NCOA1: variants seen among roughly 807,000 people sequenced by gnomAD.
NCOA1 encodes the protein Hin-2 protein.
Under a neutral mutation model 150.9 loss-of-function variants are expected in NCOA1, and 35 were observed. The ratio of observed to expected loss-of-function variants is 0.23; its 90% CI spans 0.18 to 0.31. The LOEUF (loss-of-function observed/expected upper bound fraction) is 0.31. NCOA1 is among the 10% of genes least tolerant of loss of function. The pLI, the probability that NCOA1 is intolerant of heterozygous loss-of-function variation, is 1.00. For missense variants in NCOA1, 1,491 were observed against 1,749.3 expected, an observed-to-expected ratio of 0.85 and a Z score of 2.63; for synonymous variants, 590 against 630.0, an observed-to-expected ratio of 0.94 and a Z score of 0.95.
intron 13 of NCOA1, among the ~76,000 whole-genome samples, chr2:24,708,748 G>A (rs187026218): frequency 9.2e-5 from 14 of 152,228 alleles, no homozygotes; most frequent in African/African-American, 2.2e-4. Flanking sequence ...TAGGTCCTTC[G>A]GTTTCTTGAA....
chr2:24,535,969 G>C lies in NCOA1; in HGVS notation c.-395-28326G>C, dbSNP rs574149055. On this transcript the variant is annotated intron_variant, in intron 1 of 22. Coordinates refer to ENST00000348332, the MANE Select transcript of NCOA1 (RefSeq NM_003743.5). Reference sequence around the variant, plus strand: ...TCGAGGAGTATCTTTATGGTGTTCTGTGTACTTCCGAATTTGAATGTTGGC... The same window carrying C: ...TCGAGGAGTATCTTTATGGTGTTCTCTGTACTTCCGAATTTGAATGTTGGC... 2.1e-3 allele frequency among the ~76,000 whole-genome samples: 316 copies of C among 152,098 alleles called. 1 individual carries two copies. The highest frequency in any genetic ancestry group is 6.8e-3 in the Middle Eastern group (2 of 294).
chr2:24,564,305 A>G lies in NCOA1; in HGVS notation c.-385A>G, dbSNP rs551183520. On this transcript the variant is annotated 5_prime_UTR_variant, in exon 2 of 23. It adds an upstream start codon to the 5' untranslated region. Transcript: ENST00000348332. The stretch of plus-strand genomic sequence containing the variant: ...TCTCTCCTGCTTTAGATCTATCCAT[A>G]CTAATGGAAATGTAACTGGAACTGA... 1.4e-4 allele frequency: 22 copies of G among 152,274 alleles called. No homozygotes were observed. In the East Asian group the frequency reaches 3.9e-3, roughly 27 times the overall value. The allele number at this position is 152,274 out of a possible 1,614,324, so 9.4% of individuals were successfully genotyped here.
chr2:24,543,884 G>A (rs1665498312), intron 1 of NCOA1, among the ~76,000 whole-genome samples: 1 of 152,094 alleles, frequency 6.6e-6, no homozygotes, highest in Admixed American at 6.6e-5. Context: ...GATATGATCT[G>A]GTTTGTTTTT....
chr2:24,681,710 CTT>C (rs1291429104), intron 7 of NCOA1, among the ~76,000 whole-genome samples: 8 of 141,900 alleles, frequency 5.6e-5, no homozygotes, highest in Non-Finnish European at 7.7e-5. Context: ...GTACCCTGGC[CTT>C]TTTTTTTTTT....
At chr2:24,628,551 G>A (rs1331324625) in intron 3 of NCOA1, among the ~76,000 whole-genome samples, 1 of 152,124 alleles carries the variant, frequency 6.6e-6, no homozygotes, top group Non-Finnish European at 1.5e-5. Flanking sequence ...TTACAGTTGA[G>A]TGAGAGAGAT....
chr2:24,690,059 A>G (rs1046518390), intron 8 of NCOA1, among the ~76,000 whole-genome samples: 4 of 152,230 alleles, frequency 2.6e-5, no homozygotes, highest in South Asian at 2.1e-4. Context: ...GATTCTTTCT[A>G]TTAAAATCAC....
At chr2:24,626,833 A>G (rs1669434744) in intron 3 of NCOA1, among the ~76,000 whole-genome samples, 1 of 152,148 alleles carries the variant, frequency 6.6e-6, no homozygotes, top group South Asian at 2.1e-4. Flanking sequence ...CTTCTTAATC[A>G]CTATTCTAAA....
intron 1 of NCOA1, among the ~76,000 whole-genome samples, chr2:24,561,216 A>G (rs1238636579): frequency 6.6e-6 from 1 of 152,200 alleles, no homozygotes; most frequent in African/African-American, 2.4e-5. Flanking sequence ...AACTAATAAA[A>G]GTGGTAACCT....
chr2:24,629,788 G>A (rs1156977304), intron 3 of NCOA1, among the ~76,000 whole-genome samples: 1 of 139,690 alleles, frequency 7.2e-6, no homozygotes, highest in African/African-American at 2.7e-5. Flanking sequence ...TTTATCATGT[G>A]CCAGACACTG....
At chr2:24,696,931 T>C (rs1672930628) in intron 10 of NCOA1, among the ~76,000 whole-genome samples, 1 of 151,970 alleles carries the variant, frequency 6.6e-6, no homozygotes, top group Non-Finnish European at 1.5e-5. Flanking sequence ...TGTAAGATTC[T>C]GTAAAACGTA....
intron 17 of NCOA1, among the ~76,000 whole-genome samples, chr2:24,730,832 C>T (rs919469910): frequency 8.3e-5 from 11 of 132,522 alleles, no homozygotes; most frequent in Non-Finnish European, 1.2e-4. Context: ...TCGAGACCAG[C>T]GTGGCCAACA....
intron 8 of NCOA1, 103 bp downstream of exon 8, chr2:24,683,231 T>C (rs930213632): frequency 9.1e-6 from 6 of 656,374 alleles, no homozygotes; most frequent in Non-Finnish European, 1.3e-5. Context: ...CACAGTATTA[T>C]ATATGTTATA....
At chr2:24,759,316 AG>A (rs1306205984) in intron 21 of NCOA1, among the ~76,000 whole-genome samples, 1 of 152,244 alleles carries the variant, frequency 6.6e-6, no homozygotes, top group Non-Finnish European at 1.5e-5. Flanking sequence ...ATTATGAAAA[AG>A]TTGCCTAAAC....
Position 24,707,683 on chromosome 2 carries a change from C to T in NCOA1, c.2213C>T (p.Ser738Leu), listed in dbSNP as rs1486480744. The change falls in exon 13 of 23, where the codon TCA (serine) becomes TTA (leucine). Residue 738 changes from serine (S) to leucine (L), a missense_variant. Physicochemically the swap from Ser to Leu is moderately radical, Grantham distance 145 (BLOSUM62 -2). Transcript: ENST00000348332. ...AGTATAAAACTAGAACTGGATGCTTCAAAGAAAAAAGAATCAAAAGACCAT... is the reference window on the plus strand; with the variant it reads ...AGTATAAAACTAGAACTGGATGCTTTAAAGAAAAAAGAATCAAAAGACCAT... ...NSSIKLELDA[S>L]KKKESKDHQL... 3.3e-5 allele frequency: 54 copies of T among 1,613,910 alleles called. No homozygotes were observed. Among genetic ancestry groups the T allele is most frequent in the Non-Finnish European group, 4.6e-5 (54 of 1,179,980 alleles).
At chr2:24,646,432 A>G (rs556532056) in intron 4 of NCOA1, among the ~76,000 whole-genome samples, 5 of 152,318 alleles carry the variant, frequency 3.3e-5, no homozygotes, top group South Asian at 2.1e-4. Flanking sequence ...TATCTAATAT[A>G]TAGTTCACAT....
At chr2:24,646,161 G>T (rs1442979340) in intron 4 of NCOA1, among the ~76,000 whole-genome samples, 1 of 152,038 alleles carries the variant, frequency 6.6e-6, no homozygotes, top group African/African-American at 2.4e-5. Flanking sequence ...AATTTCAAAT[G>T]TACCAAATAG....
intron 17 of NCOA1, among the ~76,000 whole-genome samples, chr2:24,735,108 A>G (rs958452443): frequency 1.3e-5 from 2 of 152,232 alleles, no homozygotes; most frequent in Non-Finnish European, 2.9e-5. Context: ...GAATATGAAA[A>G]TATCTCTGTA....
intron 7 of NCOA1, among the ~76,000 whole-genome samples, chr2:24,674,951 G>C (rs1037200836): frequency 1.4e-4 from 21 of 152,096 alleles, no homozygotes; most frequent in African/African-American, 5.1e-4. Flanking sequence ...TTTCTTTGTG[G>C]CTTTTGACAC....
chr2:24,689,614 G>C (rs531648972), intron 8 of NCOA1, among the ~76,000 whole-genome samples: 2 of 152,086 alleles, frequency 1.3e-5, no homozygotes, highest in African/African-American at 4.8e-5. Context: ...GGATGGTCTC[G>C]ATCTCTGACC....
Sources: allele counts gnomAD v4.1 joint callset (sites outside exome capture counted in the v4.1 genomes callset), GRCh38; gene constraint gnomAD v4.1.1; transcripts MANE v1.5; gene names NCBI Gene and HGNC (gene_info 2026-07-23, HGNC 2026-07-21).